The following ABHD16A variants were observed in gnomAD, a reference collection of about 807,000 sequenced individuals.
The protein encoded by ABHD16A is phosphatidylserine lipase ABHD16A.
In ABHD16A, 47 loss-of-function variants were observed where a neutral mutation model predicts 89.8. The observed-to-expected ratio is 0.52, with a 90% CI of 0.41 to 0.67. The LOEUF is 0.67. Ranked by LOEUF, ABHD16A falls within the 30% of genes least tolerant of loss-of-function variation. The pLI is 0.00. For synonymous variants in ABHD16A, 251 were observed against 280.4 expected, an observed-to-expected ratio of 0.90 and a Z score of 1.05; for missense variants, 580 against 734.6, an observed-to-expected ratio of 0.79 and a Z score of 2.43.
Position 31,688,400 on chromosome 6 carries a change from C to A in ABHD16A, c.1251-95G>T. The A allele has an allele frequency of 7.8e-7, 1 of 1,290,290 alleles. No individual in the cohort carries two copies. The allele number at this position is 1,290,290 out of a possible 1,614,324, so 79.9% of individuals were successfully genotyped here. On this transcript the variant is annotated intron_variant, in intron 14 of 19. Transcript: ENST00000395952. This position sits in a 1 kb window ranked among gnomAD's most constrained non-coding sequence, Gnocchi z 4.9. Reference sequence around the variant, plus strand: ...CCTGCACTGGTAGCATTCTTACCCTCCCCTTGCTATAGCACAGCCCTTGAC... The same window carrying A: ...CCTGCACTGGTAGCATTCTTACCCTACCCTTGCTATAGCACAGCCCTTGAC...
Position 31,690,458 on chromosome 6 carries a change from C to A in ABHD16A, c.907+81G>T. 1 of 1,457,300 alleles carries A rather than the reference C, an allele frequency of 6.9e-7. No individual in the cohort carries two copies. Among genetic ancestry groups the A allele is most frequent in the Non-Finnish European group, 9.6e-7 (1 of 1,038,952 alleles). 90.3% of individuals were successfully genotyped at this position (1,457,300 alleles called of 1,614,324 possible). ...AACCTCACCCAGAGAAAGCAGAGGCCAGGGGAGGTCAGGTCAGTGTGGGAG... is the reference window on the plus strand; with the variant it reads ...AACCTCACCCAGAGAAAGCAGAGGCAAGGGGAGGTCAGGTCAGTGTGGGAG... On this transcript the variant is annotated intron_variant, in intron 10 of 19. Transcript: ENST00000395952. The surrounding 1 kb of genome is among the most constrained non-coding windows in gnomAD (Gnocchi z 4.1).
chr6:31,702,035 C>T (rs745621944), intron 2 of ABHD16A, 39 bp downstream of exon 2: 86 of 1,611,928 alleles, frequency 5.3e-5, no homozygotes, highest in Non-Finnish European at 7.1e-5. Context: ...ACAGGTGGGT[C>T]TGAAAGATGC....
chr6:31,703,119 A>G, intron 1 of ABHD16A, 31 bp downstream of exon 1: 1 of 1,411,940 alleles, frequency 7.1e-7, no homozygotes, highest in East Asian at 2.7e-5. Flanking sequence ...GGACTGTACC[A>G]CGTTCTTCGG....
At chr6:31,702,873 G>C in intron 1 of ABHD16A, 1 of 1,352,428 alleles carries the variant, frequency 7.4e-7, no homozygotes. Flanking sequence ...AACTGGGACC[G>C]GCACGAACCA....
rs141329347 is a variant in ABHD16A at position 31,690,453 on chromosome 6, G to A, written c.907+86C>T. 78 of 1,414,218 alleles carry A rather than the reference G, an allele frequency of 5.5e-5. No homozygotes were observed. Among genetic ancestry groups the A allele is most frequent in the Middle Eastern group, 1.8e-4 (1 of 5,640 alleles). The allele number at this position is 1,414,218 out of a possible 1,614,324, so 87.6% of individuals were successfully genotyped here. A position where few individuals can be genotyped will look rare whatever the true frequency, so the allele number is the denominator to read the frequency against. Reference sequence around the variant, plus strand: ...CTCAAAACCTCACCCAGAGAAAGCAGAGGCCAGGGGAGGTCAGGTCAGTGT... The same window carrying A: ...CTCAAAACCTCACCCAGAGAAAGCAAAGGCCAGGGGAGGTCAGGTCAGTGT... On this transcript the variant is annotated intron_variant, in intron 10 of 19. Transcript: ENST00000395952. The surrounding 1 kb of genome is among the most constrained non-coding windows in gnomAD (Gnocchi z 4.1).
rs1010429476 is a variant in ABHD16A, at chr6:31,688,279, C to T, written c.1277G>A (p.Arg426Gln). ...CRYQGPVLLI[R>Q]RTKDEIITTT... ...GGTGATGATCTCATCCTTGGTTCTC[C>T]GGATCAGCAGTACAGGACCCTGGTA... Residue 426 changes from arginine (R) to glutamine (Q), a missense_variant, in exon 15 of 20, where the codon CGG becomes CAG. This residue lies in a region of ABHD16A where 415 missense variants were observed against 568.8 expected (regional missense o/e 0.73). Coordinates refer to ENST00000395952, the MANE Select transcript of ABHD16A (RefSeq NM_021160.3). The surrounding 1 kb of genome is among the most constrained non-coding windows in gnomAD (Gnocchi z 4.9). 11 of 1,613,946 alleles carry T rather than the reference C, an allele frequency of 6.8e-6. No homozygotes were observed. Among genetic ancestry groups the T allele is most frequent in the Admixed American group, 1.7e-5 (1 of 59,992 alleles).
At chr6:31,697,584 G>T (rs1804521429) in intron 4 of ABHD16A, among the ~76,000 whole-genome samples, 1 of 152,034 alleles carries the variant, frequency 6.6e-6, no homozygotes, top group African/African-American at 2.4e-5. Context: ...TGTCCCTCAA[G>T]ATTCTTCCTG....
rs1344789724 is a variant in ABHD16A at position 31,698,335 on chromosome 6, C to A, written c.344-1302G>T. Reference sequence around the variant, plus strand: ...GACTGAAAGGATTCCAATGGGAACTCCAACCCTAACTGTGGTGCTTTAGTA... The same window carrying A: ...GACTGAAAGGATTCCAATGGGAACTACAACCCTAACTGTGGTGCTTTAGTA... On this transcript the variant is annotated intron_variant, in intron 4 of 19. Transcript: ENST00000395952. This position sits in a 1 kb window ranked among gnomAD's most constrained non-coding sequence, Gnocchi z 4.1. Among the ~76,000 whole-genome samples the A allele has an allele frequency of 6.6e-6, 1 of 151,314 alleles. No individual in the cohort carries two copies. The highest frequency in any genetic ancestry group is 1.5e-5 in the Non-Finnish European group (1 of 67,876).
intron 4 of ABHD16A, among the ~76,000 whole-genome samples, 171 bp downstream of exon 4, chr6:31,700,771 T>A (rs9267543): frequency 0.099 from 15,044 of 151,878 alleles, 881 homozygotes; most frequent in African/African-American, 0.15. Context: ...ACTTTTCAGT[T>A]ATTTTTTCAT....
chr6:31,689,583 G>C lies in ABHD16A; in HGVS notation c.1079C>G (p.Thr360Ser), dbSNP rs967386065. 3.1e-6 allele frequency: 5 copies of C among 1,590,228 alleles called. No individual in the cohort carries two copies. In the Admixed American group the frequency reaches 8.8e-5, roughly 28 times the overall value. Residue 360 changes from threonine (T) to serine (S), a missense_variant and splice_region_variant, in exon 12 of 20, where the codon ACT (threonine) becomes AGT (serine). Coordinates refer to ENST00000395952, the MANE Select transcript of ABHD16A (RefSeq NM_021160.3). ...IIYAWSIGGF[T>S]ATWAAMSYPD... ...GGGGATGGGAGGGAGGCTGGTACCA[G>C]TGAAGCCGCCGATGGACCAGGCGTA...
chr6:31,690,004 C>T lies in ABHD16A; in HGVS notation c.957+74G>A, dbSNP rs1489811451. ...CCTTCAAGAAATCCACAGCCCCTCT[C>T]CTCCCTCCAATGGCTGACCAGAGGG... On this transcript the variant is annotated intron_variant, in intron 11 of 19. Transcript: ENST00000395952. This position sits in a 1 kb window ranked among gnomAD's most constrained non-coding sequence, Gnocchi z 4.1. 2 of 1,465,646 alleles carry T rather than the reference C, an allele frequency of 1.4e-6. No homozygotes were observed. Among genetic ancestry groups the T allele is most frequent in the Non-Finnish European group, 1.8e-6 (2 of 1,087,840 alleles). 90.8% of individuals were successfully genotyped at this position (1,465,646 alleles called of 1,614,324 possible).
Position 31,696,937 on chromosome 6 carries a change from G to C in ABHD16A, c.429+11C>G. On this transcript the variant is annotated intron_variant, in intron 5 of 19. Coordinates refer to ENST00000395952, the MANE Select transcript of ABHD16A (RefSeq NM_021160.3). Reference sequence around the variant, plus strand: ...GGGTGCCTGTGTGGCACTTTTCCTAGGGCCTCTCACCTTGTTTTCTGAAGA... The same window carrying C: ...GGGTGCCTGTGTGGCACTTTTCCTACGGCCTCTCACCTTGTTTTCTGAAGA... 6.2e-7 allele frequency: 1 copy of C among 1,611,316 alleles called. No homozygotes were observed. Among genetic ancestry groups the C allele is most frequent in the Non-Finnish European group, 8.5e-7 (1 of 1,178,418 alleles).
In ABHD16A at chr6:31,703,195, G is replaced by C; in HGVS notation, c.87C>G (p.Val29=). 2.1e-6 allele frequency: 3 copies of C among 1,437,936 alleles called. No homozygotes were observed. The highest frequency in any genetic ancestry group is 2.8e-6 in the Non-Finnish European group (3 of 1,088,114). The allele number at this position is 1,437,936 out of a possible 1,614,324, so 89.1% of individuals were successfully genotyped here. A position where few individuals can be genotyped will look rare whatever the true frequency, so the allele number is the denominator to read the frequency against. The change falls in exon 1 of 20, where the codon GTC becomes GTG. Residue 29 remains valine (V), a synonymous_variant. Transcript: ENST00000395952. ...ERDSERAPAS[V]PETPTAVTAP... ...CAGTGACTGCCGTTGGCGTCTCAGG[G>C]ACGCTGGCCGGGGCCCTTTCAGAGT...
intron 1 of ABHD16A, chr6:31,702,751 C>T (rs1562125705): frequency 2.0e-6 from 3 of 1,525,716 alleles, no homozygotes; most frequent in Non-Finnish European, 2.6e-6. Context: ...AAGATAAAAA[C>T]AGAGCCGGGG....
chr6:31,695,255 CT>C (rs1346659053), intron 5 of ABHD16A, among the ~76,000 whole-genome samples: 1 of 152,226 alleles, frequency 6.6e-6, no homozygotes, highest in Non-Finnish European at 1.5e-5. Flanking sequence ...TCCCAAGACA[CT>C]GAGCCCTAGC....
chr6:31,703,230 G>A lies in ABHD16A; in HGVS notation c.52C>T (p.Arg18Trp), dbSNP rs758243965. The change falls in exon 1 of 20, where the codon CGG becomes TGG. Residue 18 changes from arginine to tryptophan, a missense_variant. Physicochemically the swap from Arg to Trp is moderately radical, Grantham distance 101 (BLOSUM62 -3). This residue lies in a region of ABHD16A where 165 missense variants were observed against 165.8 expected (regional missense o/e 1.00). Transcript: ENST00000395952. ...VLGPRLYKIY[R>W]ERDSERAPAS... The stretch of plus-strand genomic sequence containing the variant: ...GGGGCCCTTTCAGAGTCCCTCTCCC[G>A]GTAGATTTTGTAGAGCCGGGGGCCT... The A allele has an allele frequency of 2.1e-6, 3 of 1,440,014 alleles. No homozygotes were observed. The highest frequency in any genetic ancestry group is 5.4e-5 in the East Asian group (2 of 37,240). 89.2% of individuals were successfully genotyped at this position (1,440,014 alleles called of 1,614,324 possible).
At position 31,688,289 on chromosome 6, in the gene ABHD16A, G is replaced by A; in HGVS notation, c.1267C>T (p.Leu423=). 6.2e-7 allele frequency: 1 copy of A among 1,614,094 alleles called. No homozygotes were observed. The highest frequency in any genetic ancestry group is 8.5e-7 in the Non-Finnish European group (1 of 1,179,980). Residue 423 remains leucine (L), a synonymous_variant, in exon 15 of 20, where the codon CTG becomes TTG. Coordinates refer to ENST00000395952, the MANE Select transcript of ABHD16A (RefSeq NM_021160.3). This position sits in a 1 kb window ranked among gnomAD's most constrained non-coding sequence, Gnocchi z 4.9. ...EQLCRYQGPV[L]LIRRTKDEII... ...TCATCCTTGGTTCTCCGGATCAGCAGTACAGGACCCTGGTATCTTCAGAGA... is the reference window on the plus strand; with the variant it reads ...TCATCCTTGGTTCTCCGGATCAGCAATACAGGACCCTGGTATCTTCAGAGA...
At position 31,688,767 on chromosome 6, in the gene ABHD16A, G is replaced by A. The variant is rs570037754; in HGVS notation, c.1206C>T (p.Thr402=). The A allele has an allele frequency of 2.5e-5, 40 of 1,612,994 alleles. No individual in the cohort carries two copies. Among genetic ancestry groups the A allele is most frequent in the South Asian group, 6.6e-5 (6 of 91,084 alleles). Residue 402 remains threonine, a synonymous_variant, in exon 14 of 20, where the codon ACC becomes ACT. Transcript: ENST00000395952. The surrounding 1 kb of genome is among the most constrained non-coding windows in gnomAD (Gnocchi z 4.9). ...PDSWRGLVTR[T]VRQHLNLNNA... is the part of the protein sequence containing the mutation. ...TGTTTAGATTGAGATGCTGCCTCAC[G>A]GTCCTGGTCACCAGGCCCCCTAGAG...
At position 31,693,557 on chromosome 6, in the gene ABHD16A, G is replaced by A; in HGVS notation, c.430-125C>T. On this transcript the variant is annotated intron_variant, in intron 5 of 19. Transcript: ENST00000395952. This position sits in a 1 kb window ranked among gnomAD's most constrained non-coding sequence, Gnocchi z 5.0. ...CACATCATGGGGAAACCAAGCGGAG[G>A]TCAATACCCTCCCAATTCTCAGATG... The A allele has an allele frequency of 1.8e-5, 15 of 836,524 alleles. No homozygotes were observed. The South Asian group carries it at 2.1e-4, about 12-fold the overall frequency. The allele number at this position is 836,524 out of a possible 1,614,324, so 51.8% of individuals were successfully genotyped here.
Sources: allele counts gnomAD v4.1 joint callset (sites outside exome capture counted in the v4.1 genomes callset), GRCh38; gene constraint gnomAD v4.1.1; regional missense constraint gnomAD v4.1.1; non-coding constraint Gnocchi (gnomAD v3.1); transcripts MANE v1.5; gene names NCBI Gene and HGNC (gene_info 2026-07-23, HGNC 2026-07-21).